INKA2: variants seen among roughly 807,000 people sequenced by gnomAD.
The protein encoded by INKA2 is inka box actin regulator 2.
INKA2 carries 3 observed loss-of-function variants against 9.8 expected under a neutral mutation model. The ratio of observed to expected loss-of-function variants is 0.31; its 90% confidence interval spans 0.14 to 0.79. The LOEUF is 0.79. INKA2 is among the 30% of genes least tolerant of loss of function. The pLI is 0.62. For missense variants in INKA2, 392 were observed against 384.4 expected (o/e 1.02, Z -0.17); for synonymous variants, 147 against 143.3 (o/e 1.03, Z -0.18).
chr1:111,739,376 C>T lies in INKA2; in HGVS notation c.-134G>A, dbSNP rs909888333. ...GCAGCGCGGAGCTGAGCCTGCGCTC[C>T]GAGCCCGGGACTCAGAGTCGCTTCC... On this transcript the variant is annotated 5_prime_UTR_variant, in exon 1 of 2. Transcript: ENST00000357260. The T allele has an allele frequency of 7.3e-6, 11 of 1,514,924 alleles. No individual in the cohort carries two copies. The highest frequency in any genetic ancestry group is 4.4e-5 in the Admixed American group (2 of 45,178). 93.8% of individuals were successfully genotyped at this position (1,514,924 alleles called of 1,614,324 possible).
intron 1 of INKA2, among the ~76,000 whole-genome samples, chr1:111,737,612 G>T (rs1034972995): frequency 6.6e-6 from 1 of 152,206 alleles, no homozygotes; most frequent in Non-Finnish European, 1.5e-5. Context: ...AATTGTGTAC[G>T]TGTGGGCTGG....
intron 1 of INKA2, among the ~76,000 whole-genome samples, chr1:111,751,811 T>C (rs1663417296): frequency 6.6e-6 from 1 of 152,232 alleles, no homozygotes; most frequent in Non-Finnish European, 1.5e-5. Flanking sequence ...CTCTCACTAA[T>C]GCTAGGAAGA....
At chr1:111,733,890 C>T (rs1662960343) in intron 1 of INKA2, among the ~76,000 whole-genome samples, 1 of 152,194 alleles carries the variant, frequency 6.6e-6, no homozygotes, top group Non-Finnish European at 1.5e-5. Context: ...TCCTTTGATA[C>T]AGGCTCCAGC....
Position 111,722,400 on chromosome 1 carries a change from A to C in INKA2, c.*4568T>G, listed in dbSNP as rs1173274901. ...GGGACTCTGGCAACTAAGACTTTAC[A>C]GAGCAGAAAGAGCAGACCAGAGGCT... On this transcript the variant is annotated 3_prime_UTR_variant, in exon 2 of 2. Coordinates refer to ENST00000357260, the MANE Select transcript of INKA2 (RefSeq NM_019099.5). 2.0e-5 allele frequency: 3 copies of C among 152,472 alleles called. No individual in the cohort carries two copies. Among genetic ancestry groups the C allele is most frequent in the Non-Finnish European group, 2.9e-5 (2 of 68,122 alleles). The allele number at this position is 152,472 out of a possible 1,614,324, so 9.4% of individuals were successfully genotyped here.
chr1:111,745,257 C>CACAG (rs1491422683), intron 1 of INKA2: 20 of 103,084 alleles, frequency 1.9e-4, no homozygotes, highest in African/African-American at 8.1e-4. Context: ...CACACACACA[C>CACAG]AGAGATATTA....
chr1:111,733,598 C>A (rs1662955657), intron 1 of INKA2, among the ~76,000 whole-genome samples: 1 of 152,192 alleles, frequency 6.6e-6, no homozygotes, highest in Non-Finnish European at 1.5e-5. Context: ...AGAGGAACTG[C>A]CTGCCTGGGG....
rs1469502334 is a variant in INKA2, at chr1:111,722,410, GA to G, written c.*4557del. 6.6e-6 allele frequency: 1 copy of G among 152,448 alleles called. No individual in the cohort carries two copies. Among genetic ancestry groups the G allele is most frequent in the East Asian group, 1.9e-4 (1 of 5,202 alleles). The allele number at this position is 152,448 out of a possible 1,614,324, so 9.4% of individuals were successfully genotyped here. A position where few individuals can be genotyped will look rare whatever the true frequency, so the allele number is the denominator to read the frequency against. On this transcript the variant is annotated 3_prime_UTR_variant, in exon 2 of 2. Coordinates refer to ENST00000357260, the MANE Select transcript of INKA2 (RefSeq NM_019099.5). ...CAACTAAGACTTTACAGAGCAGAAA[GA>G]GCAGACCAGAGGCTTCTCAAAACCA...
chr1:111,735,281 A>G (rs1662987267), intron 1 of INKA2, among the ~76,000 whole-genome samples: 1 of 152,252 alleles, frequency 6.6e-6, no homozygotes, highest in Non-Finnish European at 1.5e-5. Context: ...TGTTCTATGT[A>G]TGAATGACTC....
intron 1 of INKA2, among the ~76,000 whole-genome samples, chr1:111,737,231 G>A (rs1663026049): frequency 6.6e-6 from 1 of 152,226 alleles, no homozygotes; most frequent in African/African-American, 2.4e-5. Flanking sequence ...CTCAGGCATT[G>A]GGGGCTCAAG....
upstream of INKA2, among the ~76,000 whole-genome samples, chr1:111,742,818 T>G (rs1443283539): frequency 6.6e-6 from 1 of 152,236 alleles, no homozygotes; most frequent in Non-Finnish European, 1.5e-5. Flanking sequence ...CCCACAAGAC[T>G]TTGGAGGACA....
At position 111,727,432 on chromosome 1, in the gene INKA2, TG is replaced by T. The variant is rs1367979440; in HGVS notation, c.429del (p.Thr144ArgfsTer2). ...PERVEPDDWT[S>X]TLMSRGRNRQ... ...CGATTCCGGCCCCGGGACATCAACG[TG>T]GAGGTCCAGTCATCCGGTTCCACTC... On this transcript the variant is annotated frameshift_variant, in exon 2 of 2. Transcript: ENST00000357260. LOFTEE classifies it high-confidence loss of function. 27 of 1,614,040 alleles carry T rather than the reference TG, an allele frequency of 1.7e-5. No homozygotes were observed. Among genetic ancestry groups the T allele is most frequent in the Non-Finnish European group, 2.2e-5 (26 of 1,180,040 alleles).
At chr1:111,739,487 C>T, upstream of INKA2, 1 of 1,338,882 alleles carries the variant, frequency 7.5e-7, no homozygotes, top group East Asian at 2.8e-5. Flanking sequence ...TGTCTTCAGC[C>T]AATGGGCAGG....
intron 1 of INKA2, among the ~76,000 whole-genome samples, chr1:111,744,783 T>C (rs755959121): frequency 7.9e-5 from 12 of 152,082 alleles, no homozygotes; most frequent in Non-Finnish European, 1.3e-4. Flanking sequence ...GGTTTCACCA[T>C]ATTGGCCAGA....
At position 111,726,896 on chromosome 1, in the gene INKA2, C is replaced by T. The variant is rs1662782992; in HGVS notation, c.*72G>A. 1.4e-6 allele frequency: 2 copies of T among 1,456,234 alleles called. No homozygotes were observed. Among genetic ancestry groups the T allele is most frequent in the Non-Finnish European group, 1.9e-6 (2 of 1,069,342 alleles). The allele number at this position is 1,456,234 out of a possible 1,614,324, so 90.2% of individuals were successfully genotyped here. On this transcript the variant is annotated 3_prime_UTR_variant, in exon 2 of 2. Transcript: ENST00000357260. ...GCTTTCGAGAGCCATACCGCCCACC[C>T]TCCCTCCTCCCCAGGGGCCCAGCAC...
At chr1:111,737,417 A>C (rs2101373741) in intron 1 of INKA2, among the ~76,000 whole-genome samples, 1 of 152,298 alleles carries the variant, frequency 6.6e-6, no homozygotes, top group Non-Finnish European at 1.5e-5. Flanking sequence ...AGCCCATGCC[A>C]GGAACACCCA....
At chr1:111,739,539 C>T (rs954316741), upstream of INKA2, 5 of 836,328 alleles carry the variant, frequency 6.0e-6, no homozygotes, top group Non-Finnish European at 8.5e-6. Context: ...CGGACCCTAC[C>T]GCAGTGTTTG....
Position 111,722,770 on chromosome 1 carries a change from TATAA to T in INKA2, c.*4194_*4197del, listed in dbSNP as rs1662675689. The T allele has an allele frequency of 2.9e-6, 1 of 346,212 alleles. No homozygotes were observed. The highest frequency in any genetic ancestry group is 3.6e-5 in the South Asian group (1 of 27,458). 21.4% of individuals were successfully genotyped at this position (346,212 alleles called of 1,614,324 possible). A position where few individuals can be genotyped will look rare whatever the true frequency, so the allele number is the denominator to read the frequency against. On this transcript the variant is annotated 3_prime_UTR_variant, in exon 2 of 2. Transcript: ENST00000357260. ...ACAATCCTGTGAGATATTAAATCAA[TATAA>T]ATGTTTCGACAGAAGAAGAGACCAA...
upstream of INKA2, among the ~76,000 whole-genome samples, chr1:111,741,160 G>A (rs1035951840): frequency 6.6e-6 from 1 of 152,002 alleles, no homozygotes; most frequent in African/African-American, 2.4e-5. Flanking sequence ...AGTTTGCAGA[G>A]TCCAGTTGAA....
chr1:111,753,144 G>C (rs1394619571), intron 1 of INKA2: 1 of 152,120 alleles, frequency 6.6e-6, no homozygotes, highest in East Asian at 1.9e-4. Flanking sequence ...CCCTGGAAAG[G>C]CTCTCCAGGT....
Sources: gnomAD v4.1 joint callset for allele counts (sites outside exome capture counted in the v4.1 genomes callset) on GRCh38, gnomAD v4.1.1 for gene constraint, MANE v1.5 for transcripts, NCBI Gene and HGNC (gene_info 2026-07-23, HGNC 2026-07-21) for gene names.